Variants in PRR16 observed in about 807,000 individuals in gnomAD.
PRR16 encodes the protein proline rich 16, also known as protein Largen.
A neutral mutation model predicts 18.2 loss-of-function variants in PRR16; 6 were observed. That is an observed-to-expected ratio of 0.33 (90% CI 0.18 to 0.65). The LOEUF (loss-of-function observed/expected upper bound fraction) is 0.65, where lower values mean the gene tolerates loss of function less well. Among genes scored for constraint, PRR16 ranks in the 30% least tolerant of loss-of-function variants. PRR16 has a pLI of 0.74. For synonymous variants in PRR16, 151 were observed against 147.8 expected (o/e 1.02, Z -0.16); for missense variants, 412 against 376.6 (o/e 1.09, Z -0.78).
At chr5:120,682,535 T>C (rs1298338712) in intron 1 of PRR16, among the ~76,000 whole-genome samples, 1 of 152,180 alleles carries the variant, frequency 6.6e-6, no homozygotes, top group East Asian at 1.9e-4. Flanking sequence ...TATTCATCTC[T>C]GAAAATCAGC....
At chr5:120,729,335 C>T in the PRR16 span, among the ~76,000 whole-genome samples, 15 of 152,122 alleles carry the variant, frequency 9.9e-5, no homozygotes, top group African/African-American at 3.4e-4. Flanking sequence ...TCGTGTCTCT[C>T]TGAGCCCACG....
chr5:120,622,422 C>G (rs916551030), intron 1 of PRR16, among the ~76,000 whole-genome samples: 1 of 151,850 alleles, frequency 6.6e-6, no homozygotes, highest in African/African-American at 2.4e-5. Context: ...CAAAGCATGA[C>G]AAGTGTTTAT....
chr5:120,699,543 G>T, the PRR16 span, among the ~76,000 whole-genome samples: 1 of 152,142 alleles, frequency 6.6e-6, no homozygotes, highest in African/African-American at 2.4e-5. Flanking sequence ...GAAGGAGCCA[G>T]GAAGCAGAAA....
intron 1 of PRR16, chr5:120,617,138 G>A (rs1218011855): frequency 1.0e-5 from 10 of 985,214 alleles, no homozygotes; most frequent in African/African-American, 7.0e-5. Context: ...ATGAAACAGG[G>A]AAACAGTGCT....
intron 1 of PRR16, among the ~76,000 whole-genome samples, chr5:120,531,904 G>A (rs1561533813): frequency 6.6e-6 from 1 of 152,136 alleles, no homozygotes; most frequent in Admixed American, 6.6e-5. Flanking sequence ...AGTGATACAA[G>A]TGTTGTTAAT....
the PRR16 span, among the ~76,000 whole-genome samples, chr5:120,736,537 CTTTTTTTTT>C: frequency 5.6e-5 from 3 of 54,020 alleles, no homozygotes; most frequent in African/African-American, 2.3e-4. Context: ...AGTGTAAAGG[CTTTTTTTTT>C]TTTTTTTTTT....
At chr5:120,672,965 GT>G (rs1290696119) in intron 1 of PRR16, among the ~76,000 whole-genome samples, 1 of 152,146 alleles carries the variant, frequency 6.6e-6, no homozygotes, top group African/African-American at 2.4e-5. Context: ...GATGAAGGAT[GT>G]TTCCTTTGCC....
intron 1 of PRR16, among the ~76,000 whole-genome samples, chr5:120,494,258 T>A (rs1197730258): frequency 2.0e-5 from 3 of 152,146 alleles, no homozygotes; most frequent in African/African-American, 7.2e-5. Flanking sequence ...TGGTTTTAAC[T>A]TGCATATCCC....
chr5:120,684,486 CCA>C (rs1757060942), intron 1 of PRR16, among the ~76,000 whole-genome samples: 1 of 152,132 alleles, frequency 6.6e-6, no homozygotes, highest in Non-Finnish European at 1.5e-5. Flanking sequence ...GGAAAAATCT[CCA>C]TATGGAATAA....
the PRR16 span, among the ~76,000 whole-genome samples, chr5:120,697,010 T>C: frequency 2.0e-5 from 3 of 152,194 alleles, no homozygotes; most frequent in African/African-American, 7.2e-5. Flanking sequence ...AATTAATGTA[T>C]GAAGATTTAG....
Position 120,499,607 on chromosome 5 carries a change from T to G in PRR16, c.159+34962T>G, listed in dbSNP as rs531745028. On this transcript the variant is annotated intron_variant, in intron 1 of 1. Coordinates refer to ENST00000407149, the MANE Select transcript of PRR16 (RefSeq NM_001300783.2). ...ACCACTATAACTTACATTTGACTCC[T>G]CTCTATATCTTATATCTTTGCTGAG... Among the ~76,000 whole-genome samples the G allele has an allele frequency of 6.6e-5, 10 of 152,274 alleles. No homozygotes were observed. The South Asian group carries it at 2.1e-3, about 32-fold the overall frequency.
chr5:120,673,487 C>A (rs879926602), intron 1 of PRR16, among the ~76,000 whole-genome samples: 1 of 152,136 alleles, frequency 6.6e-6, no homozygotes, highest in Admixed American at 6.5e-5. Context: ...TTTAGTGTTT[C>A]GATTAACATA....
At chr5:120,648,560 A>T (rs1367939852) in intron 1 of PRR16, among the ~76,000 whole-genome samples, 1 of 152,106 alleles carries the variant, frequency 6.6e-6, no homozygotes, top group Non-Finnish European at 1.5e-5. Flanking sequence ...CAAGAGAATA[A>T]ATATCTCTAT....
intron 1 of PRR16, among the ~76,000 whole-genome samples, chr5:120,671,000 A>G (rs1173282270): frequency 5.9e-5 from 9 of 152,034 alleles, no homozygotes; most frequent in Admixed American, 5.9e-4. Flanking sequence ...GGTGTTGAAG[A>G]CCCTTAGGCA....
intron 1 of PRR16, among the ~76,000 whole-genome samples, chr5:120,479,707 C>CT (rs1356160712): frequency 7.0e-6 from 1 of 142,296 alleles, no homozygotes; most frequent in African/African-American, 2.8e-5. Flanking sequence ...GTAAAAGTAA[C>CT]TTATTGCCGT....
intron 1 of PRR16, among the ~76,000 whole-genome samples, chr5:120,558,199 T>C (rs1752475551): frequency 6.6e-6 from 1 of 151,924 alleles, no homozygotes; most frequent in African/African-American, 2.4e-5. Context: ...TTATTTTGAC[T>C]GTTGTCACCC....
intron 1 of PRR16, among the ~76,000 whole-genome samples, chr5:120,633,250 C>G (rs915470333): frequency 6.6e-6 from 1 of 151,986 alleles, no homozygotes. Context: ...CTGAAATACA[C>G]CAAAATAGAA....
At chr5:120,486,901 G>T (rs199813222) in intron 1 of PRR16, among the ~76,000 whole-genome samples, 1 of 125,014 alleles carries the variant, frequency 8.0e-6, no homozygotes, top group Non-Finnish European at 1.8e-5. Context: ...TATTAAATAG[G>T]GAATCCTTTC....
At chr5:120,493,447 T>G (rs1290387656) in intron 1 of PRR16, among the ~76,000 whole-genome samples, 1 of 152,214 alleles carries the variant, frequency 6.6e-6, no homozygotes, top group African/African-American at 2.4e-5. Context: ...TTGATACTGT[T>G]TATTTTTTTA....
Sources: allele counts gnomAD v4.1 joint callset (sites outside exome capture counted in the v4.1 genomes callset), GRCh38; gene constraint gnomAD v4.1.1; transcripts MANE v1.5; gene names NCBI Gene and HGNC (gene_info 2026-07-23, HGNC 2026-07-21).